The following KAZN variants were observed in gnomAD, a reference collection of about 807,000 sequenced individuals.
The protein encoded by KAZN is kazrin, periplakin interacting protein.
A neutral mutation model predicts 87.4 loss-of-function variants in KAZN; 40 were observed. The observed-to-expected ratio is 0.46, with a 90% confidence interval of 0.36 to 0.60. The LOEUF (loss-of-function observed/expected upper bound fraction) is 0.60. Among genes scored for constraint, KAZN ranks in the 20% least tolerant of loss-of-function variants. KAZN has a pLI of 0.00. For synonymous variants in KAZN, 466 were observed against 458.3 expected, an observed-to-expected ratio of 1.02 and a Z score of -0.22; for missense variants, 898 against 1,073.9, an observed-to-expected ratio of 0.84 and a Z score of 2.29.
intron 2 of KAZN, among the ~76,000 whole-genome samples, chr1:14,459,218 G>A (rs1313445310): frequency 6.6e-6 from 1 of 152,002 alleles, no homozygotes; most frequent in Non-Finnish European, 1.5e-5. Context: ...ACCTCCTGCT[G>A]GCCTAGGAGT....
intron 2 of KAZN, among the ~76,000 whole-genome samples, chr1:14,262,392 A>G (rs1186781319): frequency 6.6e-6 from 1 of 152,248 alleles, no homozygotes; most frequent in Non-Finnish European, 1.5e-5. Context: ...AACTTTTAAA[A>G]GCCGTAATTG....
chr1:14,118,406 C>T (rs956032917), intron 1 of KAZN, among the ~76,000 whole-genome samples: 3 of 152,142 alleles, frequency 2.0e-5, no homozygotes, highest in Non-Finnish European at 4.4e-5. Context: ...GATAGTTATT[C>T]TCAAGATAAG....
intron 2 of KAZN, among the ~76,000 whole-genome samples, chr1:14,261,205 A>T (rs1473562958): frequency 6.6e-6 from 1 of 152,192 alleles, no homozygotes; most frequent in Non-Finnish European, 1.5e-5. Context: ...GAGATCTTAG[A>T]CAAGGAATCT....
chr1:14,290,294 C>A (rs1653579673), intron 2 of KAZN, among the ~76,000 whole-genome samples: 1 of 152,134 alleles, frequency 6.6e-6, no homozygotes, highest in African/African-American at 2.4e-5. Flanking sequence ...TTCCATTCTC[C>A]CCGTCACTTT....
chr1:14,028,605 A>G (rs116427842), intron 1 of KAZN, among the ~76,000 whole-genome samples: 116 of 152,306 alleles, frequency 7.6e-4, no homozygotes, highest in African/African-American at 2.6e-3. Flanking sequence ...TTCAAGATCA[A>G]TACAGGTTTA....
Position 14,598,953 on chromosome 1 carries a change from G to A in KAZN, c.-45G>A. On this transcript the variant is annotated 5_prime_UTR_variant, in exon 1 of 15. The change abolishes an upstream ATG in the 5' untranslated region. Coordinates refer to ENST00000376030, the MANE Select transcript of KAZN (RefSeq NM_201628.3). This position sits in a 1 kb window ranked among gnomAD's most constrained non-coding sequence, Gnocchi z 4.2. Reference sequence around the variant, plus strand: ...CGGCCGCGCGCCCCCCGCGCATCATGCAGCTCTTTGTCACCTCTCTCGCCC... The same window carrying A: ...CGGCCGCGCGCCCCCCGCGCATCATACAGCTCTTTGTCACCTCTCTCGCCC... 1.3e-6 allele frequency: 2 copies of A among 1,559,492 alleles called. No homozygotes were observed. Among genetic ancestry groups the A allele is most frequent in the Non-Finnish European group, 1.7e-6 (2 of 1,156,816 alleles).
intron 1 of KAZN, among the ~76,000 whole-genome samples, chr1:14,125,178 G>C (rs1644837641): frequency 6.6e-6 from 1 of 152,154 alleles, no homozygotes; most frequent in Admixed American, 6.5e-5. Flanking sequence ...CCTGTGCTCT[G>C]TGGGATGTTT....
chr1:14,694,501 A>G (rs578171692), intron 1 of KAZN, among the ~76,000 whole-genome samples: 1 of 152,316 alleles, frequency 6.6e-6, no homozygotes, highest in Admixed American at 6.5e-5. Context: ...TCAAACATTA[A>G]TGAGCACTTC....
At chr1:14,571,940 C>G (rs1674895251) in intron 2 of KAZN, among the ~76,000 whole-genome samples, 1 of 152,138 alleles carries the variant, frequency 6.6e-6, no homozygotes, top group African/African-American at 2.4e-5. Context: ...ACCTGGTTCT[C>G]TAGTGCAGAG....
intron 1 of KAZN, among the ~76,000 whole-genome samples, chr1:14,095,616 A>T (rs1644109751): frequency 6.6e-6 from 1 of 152,146 alleles, no homozygotes; most frequent in Non-Finnish European, 1.5e-5. Flanking sequence ...TTCTTCACAT[A>T]CATGTCTGTT....
intron 2 of KAZN, among the ~76,000 whole-genome samples, chr1:14,387,962 C>T (rs556432689): frequency 2.0e-5 from 3 of 152,052 alleles, no homozygotes; most frequent in Non-Finnish European, 4.4e-5. Flanking sequence ...TAGCAATCAG[C>T]GAGACTCCGT....
At chr1:13,974,835 C>T (rs937421686) in intron 1 of KAZN, among the ~76,000 whole-genome samples, 1 of 152,190 alleles carries the variant, frequency 6.6e-6, no homozygotes, top group African/African-American at 2.4e-5. Flanking sequence ...AAAACCACTA[C>T]ACCAGCCAAG....
At position 14,266,295 on chromosome 1, in the gene KAZN, G is replaced by A. The variant is rs181973908; in HGVS notation, c.249+85703G>A. On this transcript the variant is annotated intron_variant, in intron 2 of 16. Transcript: ENST00000636203. ...GGTTAAAACCCAGCACTTTTGCTTC[G>A]AGAAGAAATATAACCAAATTCAGTT... is the stretch of plus-strand genomic sequence containing the variant. Among the ~76,000 whole-genome samples, 619 of 152,276 alleles carry A rather than the reference G, an allele frequency of 4.1e-3. 2 individuals are homozygous for A. Among genetic ancestry groups the A allele is most frequent in the Non-Finnish European group, 5.6e-3 (384 of 68,022 alleles).
chr1:14,057,925 CA>C (rs1184094110), intron 1 of KAZN, among the ~76,000 whole-genome samples: 3 of 152,192 alleles, frequency 2.0e-5, no homozygotes, highest in Non-Finnish European at 4.4e-5. Context: ...GTATAATGAA[CA>C]ACAGTTCATG....
At chr1:14,509,646 C>T (rs774114442) in intron 2 of KAZN, among the ~76,000 whole-genome samples, 5 of 152,186 alleles carry the variant, frequency 3.3e-5, no homozygotes, top group African/African-American at 4.8e-5. Flanking sequence ...TTGCATCACA[C>T]GCCAGGCCTG....
At chr1:14,879,761 C>T (rs1275863923) in intron 1 of KAZN, among the ~76,000 whole-genome samples, 2 of 152,150 alleles carry the variant, frequency 1.3e-5, no homozygotes, top group Non-Finnish European at 2.9e-5. Context: ...TGTAGACCGT[C>T]CCCCACAGCA....
chr1:14,159,769 A>G (rs949800679), intron 1 of KAZN, among the ~76,000 whole-genome samples: 1 of 152,204 alleles, frequency 6.6e-6, no homozygotes, highest in African/African-American at 2.4e-5. Flanking sequence ...TTGATGTAGT[A>G]CTTGAGTATC....
At chr1:14,140,821 AGGTGATG>A in intron 1 of KAZN, among the ~76,000 whole-genome samples, 1 of 152,128 alleles carries the variant, frequency 6.6e-6, no homozygotes, top group African/African-American at 2.4e-5. Flanking sequence ...GTACCTGTCC[AGGTGATG>A]GGAGATCGGC....
At chr1:14,775,821 C>T (rs1645159784) in intron 1 of KAZN, among the ~76,000 whole-genome samples, 1 of 152,154 alleles carries the variant, frequency 6.6e-6, no homozygotes, top group African/African-American at 2.4e-5. Context: ...GTCCTGAGAC[C>T]ACAGAGCACG....
Sources: gnomAD v4.1 joint callset for allele counts (sites outside exome capture counted in the v4.1 genomes callset) on GRCh38, gnomAD v4.1.1 for gene constraint, Gnocchi (gnomAD v3.1) non-coding constraint, MANE v1.5 for transcripts, NCBI Gene and HGNC (gene_info 2026-07-23, HGNC 2026-07-21) for gene names.